Variants in PDE4B observed in about 807,000 individuals in gnomAD.
PDE4B encodes the protein phosphodiesterase 4B.
Under a neutral mutation model 82.2 loss-of-function variants are expected in PDE4B, and 20 were observed. The observed-to-expected ratio is 0.24, with a 90% CI of 0.17 to 0.35. The LOEUF (loss-of-function observed/expected upper bound fraction) is 0.35, where lower values mean the gene tolerates loss of function less well. Among genes scored for constraint, PDE4B ranks in the 10% least tolerant of loss-of-function variants. The pLI is 1.00. For synonymous variants in PDE4B, 320 were observed against 318.9 expected (o/e 1.00, Z -0.04); for missense variants, 655 against 907.2 (o/e 0.72, Z 3.57).
At chr1:66,154,015 C>T (rs771773382) in intron 3 of PDE4B, among the ~76,000 whole-genome samples, 3 of 152,168 alleles carry the variant, frequency 2.0e-5, no homozygotes, top group Admixed American at 6.6e-5. Flanking sequence ...TAAATGCCTA[C>T]ATTAACTTTT....
At chr1:65,975,290 T>C (rs760773461) in intron 3 of PDE4B, among the ~76,000 whole-genome samples, 10 of 152,240 alleles carry the variant, frequency 6.6e-5, no homozygotes, top group Non-Finnish European at 1.2e-4. Flanking sequence ...ATTTAGGCTA[T>C]CTGGTGGAAG....
At chr1:65,983,375 A>C (rs1272219443) in intron 3 of PDE4B, among the ~76,000 whole-genome samples, 2 of 152,180 alleles carry the variant, frequency 1.3e-5, no homozygotes, top group Non-Finnish European at 1.5e-5. Flanking sequence ...ACAGACAACG[A>C]CATGAATTTT....
At chr1:66,105,211 T>G (rs9661501) in intron 3 of PDE4B, among the ~76,000 whole-genome samples, 31,839 of 124,872 alleles carry the variant, frequency 0.25, 4,685 homozygotes, top group Middle Eastern at 0.36. Flanking sequence ...TTTCCCCATT[T>G]CTTGTTTTTG....
intron 3 of PDE4B, among the ~76,000 whole-genome samples, chr1:65,989,830 T>C (rs1315367662): frequency 6.6e-6 from 1 of 151,962 alleles, no homozygotes; most frequent in Non-Finnish European, 1.5e-5. Flanking sequence ...TTTTCTTAGA[T>C]AGCATTGGCT....
At chr1:66,215,302 A>G (rs539167591) in intron 3 of PDE4B, among the ~76,000 whole-genome samples, 61 of 152,306 alleles carry the variant, frequency 4.0e-4, no homozygotes, top group South Asian at 1.9e-3. Flanking sequence ...CATTTTTTCT[A>G]AGATGGTTCA....
In PDE4B at chr1:65,878,031, A is replaced by G. The variant is rs549994761; in HGVS notation, c.-70-35214A>G. ...CAGAATCTACAAGTAAAATAAACAAATTTACAAGAAAAAAAAAACAACCTA... is the reference window on the plus strand; with the variant it reads ...CAGAATCTACAAGTAAAATAAACAAGTTTACAAGAAAAAAAAAACAACCTA... On this transcript the variant is annotated intron_variant, in intron 1 of 16. Coordinates refer to ENST00000341517, the MANE Select transcript of PDE4B (RefSeq NM_002600.4). 2.0e-5 allele frequency among the ~76,000 whole-genome samples: 3 copies of G among 152,072 alleles called. No individual in the cohort carries two copies. In the South Asian group the frequency reaches 6.2e-4, roughly 32 times the overall value.
At chr1:66,058,515 A>G (rs973793067) in intron 3 of PDE4B, among the ~76,000 whole-genome samples, 4 of 152,232 alleles carry the variant, frequency 2.6e-5, no homozygotes, top group Non-Finnish European at 4.4e-5. Context: ...CTCCTGCAGC[A>G]AACTTTTGCC....
intron 1 of PDE4B, among the ~76,000 whole-genome samples, chr1:65,891,725 T>A (rs977227744): frequency 6.6e-6 from 1 of 152,104 alleles, no homozygotes; most frequent in Non-Finnish European, 1.5e-5. Flanking sequence ...ATGAAAAGCA[T>A]GGCAGAATTT....
intron 1 of PDE4B, among the ~76,000 whole-genome samples, chr1:65,843,140 A>T (rs1006003691): frequency 4.3e-4 from 65 of 152,156 alleles, no homozygotes; most frequent in Non-Finnish European, 1.8e-4. Context: ...AGCTGGAGTC[A>T]TTCTGAAGGC....
chr1:66,364,670 T>C (rs1663092914), intron 12 of PDE4B, among the ~76,000 whole-genome samples: 1 of 152,214 alleles, frequency 6.6e-6, no homozygotes, highest in African/African-American at 2.4e-5. Flanking sequence ...GAAAGTGAGA[T>C]GGAGCTAAGG....
At chr1:66,070,215 G>A (rs768748313) in intron 3 of PDE4B, among the ~76,000 whole-genome samples, 15 of 152,098 alleles carry the variant, frequency 9.9e-5, no homozygotes, top group Non-Finnish European at 2.2e-4. Context: ...TAAATGTGTT[G>A]AGCTAGATTG....
chr1:66,332,115 AC>A, intron 7 of PDE4B: 2 of 1,232,398 alleles, frequency 1.6e-6, no homozygotes, highest in Non-Finnish European at 2.0e-6. Flanking sequence ...GACATCACAT[AC>A]CCTAAAGAAC....
chr1:65,922,138 G>A (rs539509000), intron 3 of PDE4B, among the ~76,000 whole-genome samples: 213 of 152,132 alleles, frequency 1.4e-3, no homozygotes, highest in Non-Finnish European at 2.5e-3. Context: ...CAGTTTTATT[G>A]GGTGACTTCC....
intron 3 of PDE4B, among the ~76,000 whole-genome samples, chr1:66,216,371 A>G (rs1650460585): frequency 6.7e-6 from 1 of 149,192 alleles, no homozygotes; most frequent in South Asian, 2.2e-4. Flanking sequence ...GAAGAAAGCA[A>G]TTCAAAAAAT....
chr1:65,861,970 A>T lies in PDE4B; in HGVS notation c.-70-51275A>T, dbSNP rs560173260. On this transcript the variant is annotated intron_variant, in intron 1 of 16. Transcript: ENST00000341517. ...TTGGGCTGAAATGATGGGTTTTCTAAATATAGAATAATGTCATCTGCAAAC... is the reference window on the plus strand; with the variant it reads ...TTGGGCTGAAATGATGGGTTTTCTATATATAGAATAATGTCATCTGCAAAC... Among the ~76,000 whole-genome samples the T allele has an allele frequency of 1.4e-4, 21 of 152,124 alleles. No homozygotes were observed. In the South Asian group the frequency reaches 2.9e-3, roughly 21 times the overall value.
At chr1:65,875,561 A>T (rs1387219992) in intron 1 of PDE4B, among the ~76,000 whole-genome samples, 1 of 145,320 alleles carries the variant, frequency 6.9e-6, no homozygotes, top group Non-Finnish European at 1.5e-5. Context: ...CAAATGTCCA[A>T]CAATGATAGA....
intron 3 of PDE4B, among the ~76,000 whole-genome samples, chr1:66,244,510 T>G (rs919631939): frequency 6.6e-6 from 1 of 152,206 alleles, no homozygotes; most frequent in Non-Finnish European, 1.5e-5. Context: ...TTCATTTTGC[T>G]TATTAAGCCT....
chr1:66,155,066 C>T (rs1557598524), intron 3 of PDE4B, among the ~76,000 whole-genome samples: 2 of 152,164 alleles, frequency 1.3e-5, no homozygotes, highest in Non-Finnish European at 2.9e-5. Flanking sequence ...GAGGTTGAGT[C>T]TGCAGTGAGC....
intron 9 of PDE4B, among the ~76,000 whole-genome samples, chr1:66,358,470 T>G (rs1050853207): frequency 2.0e-5 from 3 of 151,732 alleles, no homozygotes; most frequent in Admixed American, 2.0e-4. Context: ...AGGTCAGGAG[T>G]TCGAGACCAG....
Sources: allele counts gnomAD v4.1 joint callset (sites outside exome capture counted in the v4.1 genomes callset), GRCh38; gene constraint gnomAD v4.1.1; transcripts MANE v1.5; gene names NCBI Gene and HGNC (gene_info 2026-07-23, HGNC 2026-07-21).